The following KIAA1210 variants were observed in gnomAD, a reference collection of about 807,000 sequenced individuals.
KIAA1210 encodes KIAA1210.
KIAA1210 carries 48 observed loss-of-function variants against 78.9 expected under a neutral mutation model. That is an observed-to-expected ratio of 0.61 (90% CI 0.48 to 0.77). The LOEUF (loss-of-function observed/expected upper bound fraction) is 0.77. KIAA1210 is among the 30% of genes least tolerant of loss of function. The pLI, the probability that KIAA1210 is intolerant of heterozygous loss-of-function variation, is 0.00. For synonymous variants in KIAA1210, 406 were observed against 404.5 expected, an observed-to-expected ratio of 1.00 and a Z score of -0.04; for missense variants, 1,108 against 1,100.0, an observed-to-expected ratio of 1.01 and a Z score of -0.10.
At chrX:119,125,733 ATAT>A (rs1444594410) in intron 1 of KIAA1210, among the ~76,000 whole-genome samples, 14 of 7,592 alleles carry the variant, frequency 1.8e-3, no homozygotes, top group South Asian at 0.019. Flanking sequence ...ATATATATAT[ATAT>A]TTTTTTTTTT....
At chrX:119,120,429 T>A (rs1569320670) in intron 2 of KIAA1210, among the ~76,000 whole-genome samples, 1 of 111,166 alleles carries the variant, frequency 9.0e-6, no homozygotes, top group Admixed American at 9.5e-5. Flanking sequence ...GAGAAGAGAG[T>A]CAGCAGCTAA....
intron 5 of KIAA1210, 39 bp downstream of exon 5, chrX:119,108,298 A>T (rs1569317650): frequency 8.6e-7 from 1 of 1,158,440 alleles, no homozygotes; most frequent in African/African-American, 1.8e-5. Context: ...TGTCTTTCTG[A>T]CTCAGCTGCC....
At chrX:119,113,506 G>C (rs1441823442) in intron 3 of KIAA1210, among the ~76,000 whole-genome samples, 2 of 111,563 alleles carry the variant, frequency 1.8e-5, no homozygotes, top group Non-Finnish European at 3.8e-5. Context: ...CAAATCCATA[G>C]AGGCAGAAAG....
upstream of KIAA1210, among the ~76,000 whole-genome samples, chrX:119,131,687 C>A (rs181851459): frequency 4.0e-3 from 453 of 112,694 alleles, 3 homozygotes; most frequent in African/African-American, 0.013. Flanking sequence ...TAACCAACTG[C>A]CATGTTGTCG....
chrX:119,127,237 A>G (rs1283458471), intron 1 of KIAA1210, among the ~76,000 whole-genome samples: 1 of 110,207 alleles, frequency 9.1e-6, no homozygotes, highest in Non-Finnish European at 1.9e-5. Context: ...ACTATCTTAG[A>G]GAAGCCTGTG....
At chrX:119,148,191 T>C (rs903224966) in intron 1 of KIAA1210, among the ~76,000 whole-genome samples, 2 of 111,434 alleles carry the variant, frequency 1.8e-5, no homozygotes, top group Non-Finnish European at 3.8e-5. Context: ...TGCCTTAGGC[T>C]GAATTGACCT....
rs1927412771 is a variant in KIAA1210, at chrX:119,092,674, T to C, written c.955+993A>G. 2.8e-5 allele frequency among the ~76,000 whole-genome samples: 3 copies of C among 109,002 alleles called. No homozygotes were observed. In the South Asian group the frequency reaches 1.2e-3, roughly 44 times the overall value. 94.7% of individuals were successfully genotyped at this position (109,002 alleles called of 115,157 possible). A position where few individuals can be genotyped will look rare whatever the true frequency, so the allele number is the denominator to read the frequency against. ...TACTAGGGAGGCTGAGGCAGGAGAA[T>C]TGCTTGAACTAGGGAGGTGGAGGTT... On this transcript the variant is annotated intron_variant, in intron 8 of 11. Coordinates refer to ENST00000691062, the MANE Select transcript of KIAA1210 (RefSeq NM_001394962.1).
chrX:119,092,928 C>G (rs770925016), intron 8 of KIAA1210, among the ~76,000 whole-genome samples: 1 of 109,917 alleles, frequency 9.1e-6, no homozygotes, highest in South Asian at 3.9e-4. Flanking sequence ...GTCTTTGGAC[C>G]CACATGTGAA....
intron 2 of KIAA1210, among the ~76,000 whole-genome samples, chrX:119,133,202 A>G (rs916089353): frequency 9.0e-6 from 1 of 111,045 alleles, no homozygotes; most frequent in Non-Finnish European, 1.9e-5. Flanking sequence ...GGCTATAATC[A>G]CCCCACAGCT....
At chrX:119,125,733 ATATTTTTT>A (rs1390092998) in intron 1 of KIAA1210, among the ~76,000 whole-genome samples, 14 of 7,592 alleles carry the variant, frequency 1.8e-3, no homozygotes, top group Admixed American at 4.1e-3. Context: ...ATATATATAT[ATATTTTTT>A]TTTTTTTTTT....
In KIAA1210 at chrX:119,117,948, G is replaced by T. The variant is rs186223573; in HGVS notation, c.62-1284C>A. On this transcript the variant is annotated intron_variant, in intron 2 of 11. Coordinates refer to ENST00000691062, the MANE Select transcript of KIAA1210 (RefSeq NM_001394962.1). The stretch of plus-strand genomic sequence containing the variant: ...CTTAATAAGCACATATGTCTTTATT[G>T]TGCTTATTAAGAAACTAAAGGGGAG... Among the ~76,000 whole-genome samples, 3 of 111,225 alleles carry T rather than the reference G, an allele frequency of 2.7e-5. No homozygotes were observed. In the Admixed American group the frequency reaches 2.9e-4, roughly 11 times the overall value.
chrX:119,079,133 T>C lies in KIAA1210; in HGVS notation c.*2196A>G, dbSNP rs1485154421. ...TATAGAGAAAATGCAAAATTTAGCATGTAATTGTACTGTGTCACATTATAC... is the reference window on the plus strand; with the variant it reads ...TATAGAGAAAATGCAAAATTTAGCACGTAATTGTACTGTGTCACATTATAC... On this transcript the variant is annotated 3_prime_UTR_variant, in exon 12 of 12. Coordinates refer to ENST00000691062, the MANE Select transcript of KIAA1210 (RefSeq NM_001394962.1). The C allele has an allele frequency of 8.9e-6, 1 of 112,624 alleles. No individual in the cohort carries two copies. Among genetic ancestry groups the C allele is most frequent in the Non-Finnish European group, 1.9e-5 (1 of 53,347 alleles). 9.3% of individuals were successfully genotyped at this position (112,624 alleles called of 1,213,427 possible).
intron 2 of KIAA1210, among the ~76,000 whole-genome samples, chrX:119,119,078 A>G (rs1324100605): frequency 8.9e-6 from 1 of 112,168 alleles, no homozygotes; most frequent in African/African-American, 3.2e-5. Context: ...TAATTTAAAC[A>G]CTGGCCCTTA....
At chrX:119,121,074 C>T (rs190247308) in intron 2 of KIAA1210, among the ~76,000 whole-genome samples, 246 of 111,477 alleles carry the variant, frequency 2.2e-3, no homozygotes, top group African/African-American at 7.3e-3. Context: ...TGGTCTCAGC[C>T]CTGGGAGTGA....
At position 119,127,802 on chromosome X, in the gene KIAA1210, C is replaced by A. The variant is rs1322320640; in HGVS notation, c.-86G>T. On this transcript the variant is annotated 5_prime_UTR_variant, in exon 1 of 12. Transcript: ENST00000691062. ...CAAACTGAACTGCTTCCAAGCCAGT[C>A]CACCAACACTGCGCTTGCTGAATCC... 1.8e-5 allele frequency among the ~76,000 whole-genome samples: 2 copies of A among 112,345 alleles called. No homozygotes were observed. The highest frequency in any genetic ancestry group is 3.7e-5 in the Non-Finnish European group (2 of 53,336).
At chrX:119,093,220 A>G (rs771714727) in intron 8 of KIAA1210, among the ~76,000 whole-genome samples, 9 of 112,064 alleles carry the variant, frequency 8.0e-5, no homozygotes, top group Non-Finnish European at 3.8e-5. Flanking sequence ...TTCTCTCTAC[A>G]GGAAGAGAAA....
chrX:119,119,991 AAAAAG>A (rs1182167076), intron 2 of KIAA1210, among the ~76,000 whole-genome samples: 3 of 65,126 alleles, frequency 4.6e-5, no homozygotes, highest in African/African-American at 7.8e-5. Flanking sequence ...AAAAAAAAAA[AAAAAG>A]AAAGAAAGAA....
chrX:119,081,762 G>A (rs1454527396), intron 11 of KIAA1210, among the ~76,000 whole-genome samples: 1 of 112,114 alleles, frequency 8.9e-6, no homozygotes, highest in Admixed American at 9.4e-5. Flanking sequence ...GGCCTGGGAG[G>A]TAATACCTAT....
rs1927984019 is a variant in KIAA1210 at position 119,108,969 on chromosome X, C to T, written c.357+107G>A. 9 of 845,678 alleles carry T rather than the reference C, an allele frequency of 1.1e-5. No homozygotes were observed. In the East Asian group the frequency reaches 2.9e-4, roughly 27 times the overall value. The allele number at this position is 845,678 out of a possible 1,213,427, so 69.7% of individuals were successfully genotyped here. On this transcript the variant is annotated intron_variant, in intron 4 of 11. Coordinates refer to ENST00000691062, the MANE Select transcript of KIAA1210 (RefSeq NM_001394962.1). Reference sequence around the variant, plus strand: ...AACAGCCCTGTGGGGGTAGGATCAGCTGAGAAGCAGAACCAAGTTCCCACT... The same window carrying T: ...AACAGCCCTGTGGGGGTAGGATCAGTTGAGAAGCAGAACCAAGTTCCCACT...
Sources: gnomAD v4.1 joint callset for allele counts (sites outside exome capture counted in the v4.1 genomes callset) on GRCh38, gnomAD v4.1.1 for gene constraint, MANE v1.5 for transcripts, NCBI Gene and HGNC (gene_info 2026-07-23, HGNC 2026-07-21) for gene names.